The following LAYN variants were observed in gnomAD, a reference collection of about 807,000 sequenced individuals.
LAYN encodes the protein layilin.
Under a neutral mutation model 43.6 loss-of-function variants are expected in LAYN, and 38 were observed. The ratio of observed to expected loss-of-function variants is 0.87; its 90% CI spans 0.67 to 1.14. LAYN has a LOEUF of 1.14. Among genes scored for constraint, LAYN ranks in the 50% most tolerant of loss-of-function variants. The pLI, the probability that LAYN is intolerant of heterozygous loss-of-function variation, is 0.00. For synonymous variants in LAYN, 168 were observed against 172.9 expected (o/e 0.97, Z 0.22); for missense variants, 479 against 463.8 (o/e 1.03, Z -0.30).
In LAYN at chr11:111,544,134, G is replaced by A. The variant is rs375519649; in HGVS notation, c.297G>A (p.Gly99=). The change falls in exon 2 of 7, where the codon GGG becomes GGA. Residue 99 remains glycine (G), a synonymous_variant. Coordinates refer to ENST00000375614, the MANE Select transcript of LAYN (RefSeq NM_178834.5). ...CATCTGATGGTGACTTCTGGATTGG[G>A]CTCAGGAGGCGTGAGGAGAAACAAA... The part of the protein sequence containing the change: ...LLPSDGDFWI[G]LRRREEKQSN... 41 of 1,614,046 alleles carry A rather than the reference G, an allele frequency of 2.5e-5. No homozygotes were observed. Among genetic ancestry groups the A allele is most frequent in the Non-Finnish European group, 3.5e-5 (41 of 1,180,026 alleles).
At chr11:111,558,362 G>A (rs1225630737) in intron 6 of LAYN, among the ~76,000 whole-genome samples, 7 of 152,148 alleles carry the variant, frequency 4.6e-5, no homozygotes, top group Admixed American at 1.3e-4. Context: ...ACCAATTTGA[G>A]ATGAATTAGT....
chr11:111,559,994 G>A, intron 6 of LAYN, 101 bp from the exon 7 acceptor site: 1 of 1,384,758 alleles, frequency 7.2e-7, no homozygotes, highest in Non-Finnish European at 9.8e-7. Context: ...ATGCAGCTGG[G>A]TGACTGCCCA....
At position 111,560,020 on chromosome 11, in the gene LAYN, G is replaced by A. The variant is rs549073623; in HGVS notation, c.762-75G>A. On this transcript the variant is annotated intron_variant, in intron 6 of 6. Transcript: ENST00000375614. ...TGACTGCCCAGGGCTGCTTCCTCTC[G>A]TCTCAACAGGAAGCACAAGGGTATT... is the stretch of plus-strand genomic sequence containing the variant. The A allele has an allele frequency of 4.9e-5, 74 of 1,506,954 alleles. No individual in the cohort carries two copies. In the East Asian group the frequency reaches 1.0e-3, roughly 20 times the overall value. The allele number at this position is 1,506,954 out of a possible 1,614,324, so 93.3% of individuals were successfully genotyped here.
rs758193597 is a variant in LAYN at position 111,560,797 on chromosome 11, A to G, written c.*339A>G. On this transcript the variant is annotated 3_prime_UTR_variant, in exon 7 of 7. Coordinates refer to ENST00000375614, the MANE Select transcript of LAYN (RefSeq NM_178834.5). ...GATGGGCTGTGGAGCTTGGAAAACC[A>G]CCTCTGTTTTCCTTGCTCTATACAG... The G allele has an allele frequency of 1.6e-5, 4 of 253,326 alleles. No homozygotes were observed. Among genetic ancestry groups the G allele is most frequent in the South Asian group, 1.5e-4 (2 of 13,400 alleles). The allele number at this position is 253,326 out of a possible 1,614,324, so 15.7% of individuals were successfully genotyped here. A position where few individuals can be genotyped will look rare whatever the true frequency, so the allele number is the denominator to read the frequency against.
chr11:111,541,272 G>C (rs1867531845), intron 1 of LAYN: 1 of 596,282 alleles, frequency 1.7e-6, no homozygotes, highest in East Asian at 2.8e-5. Flanking sequence ...TACACGCATC[G>C]AATCAGTCCT....
At chr11:111,551,274 C>G (rs2060257971) in intron 3 of LAYN, 1 of 454,006 alleles carries the variant, frequency 2.2e-6, no homozygotes, top group Non-Finnish European at 4.4e-6. Flanking sequence ...GGAATAAATA[C>G]TGAGACTTCT....
rs140344376 is a variant in LAYN, at chr11:111,544,044, G to T, written c.207G>T (p.Gln69His). The T allele has an allele frequency of 1.0e-4, 167 of 1,614,098 alleles. No homozygotes were observed. The highest frequency in any genetic ancestry group is 1.3e-4 in the Non-Finnish European group (153 of 1,180,050). Residue 69 changes from glutamine to histidine, a missense_variant, in exon 2 of 7, where the codon CAG becomes CAT. Coordinates refer to ENST00000375614, the MANE Select transcript of LAYN (RefSeq NM_178834.5). ...AKEACRRDGG[Q>H]LVSIESEDEQ... is the part of the protein sequence containing the mutation. ...AAGCCTGCAGGAGGGATGGAGGCCA[G>T]CTAGTCAGCATCGAGTCTGAAGATG...
At chr11:111,548,266 C>T (rs544356857) in intron 2 of LAYN, among the ~76,000 whole-genome samples, 3 of 152,190 alleles carry the variant, frequency 2.0e-5, no homozygotes, top group Admixed American at 6.5e-5. Flanking sequence ...TAGGGAAAAA[C>T]GGGAAGTTAT....
chr11:111,560,362 T>C lies in LAYN; in HGVS notation c.1029T>C (p.Ser343=). 6.2e-7 allele frequency: 1 copy of C among 1,613,714 alleles called. No individual in the cohort carries two copies. The highest frequency in any genetic ancestry group is 8.5e-7 in the Non-Finnish European group (1 of 1,179,874). The change falls in exon 7 of 7, where the codon AGT becomes AGC. Residue 343 remains serine (S), a synonymous_variant. Coordinates refer to ENST00000375614, the MANE Select transcript of LAYN (RefSeq NM_178834.5). The part of the protein sequence containing the change: ...SGFVTLVSVE[S]GFVTNDIYEF... The stretch of plus-strand genomic sequence containing the variant: ...TTGTGACTCTGGTGAGCGTGGAGAG[T>C]GGATTTGTGACCAATGACATTTATG...
chr11:111,559,434 G>T (rs1867905920), intron 6 of LAYN, among the ~76,000 whole-genome samples: 2 of 151,446 alleles, frequency 1.3e-5, no homozygotes, highest in African/African-American at 2.4e-5. Flanking sequence ...TGTTGTTTTG[G>T]TTTTATTTTA....
chr11:111,546,538 G>T (rs568978400), intron 2 of LAYN, among the ~76,000 whole-genome samples: 32 of 152,182 alleles, frequency 2.1e-4, no homozygotes, highest in Non-Finnish European at 3.8e-4. Context: ...ACCAGGCTCA[G>T]GCTGCCTGTA....
Position 111,560,420 on chromosome 11 carries a change from G to A in LAYN, c.1087G>A (p.Glu363Lys), listed in dbSNP as rs1419763010. ...CCCAGACCAAATGGGGAGGAGTAAG[G>A]AGTCTGGATGGGTGGAAAATGAAAT... ...FSPDQMGRSK[E>K]SGWVENEIYG... is the part of the protein sequence containing the mutation. Residue 363 changes from glutamate (E) to lysine (K), a missense_variant, in exon 7 of 7, where the codon GAG becomes AAG. Coordinates refer to ENST00000375614, the MANE Select transcript of LAYN (RefSeq NM_178834.5). 2 of 1,613,872 alleles carry A rather than the reference G, an allele frequency of 1.2e-6. No homozygotes were observed. Among genetic ancestry groups the A allele is most frequent in the African/African-American group, 2.7e-5 (2 of 74,918 alleles).
chr11:111,543,793 C>G lies in LAYN; in HGVS notation c.86-130C>G. 4.1e-6 allele frequency: 3 copies of G among 724,544 alleles called. No individual in the cohort carries two copies. In the South Asian group the frequency reaches 5.7e-5, roughly 14 times the overall value. The allele number at this position is 724,544 out of a possible 1,614,324, so 44.9% of individuals were successfully genotyped here. A position where few individuals can be genotyped will look rare whatever the true frequency, so the allele number is the denominator to read the frequency against. On this transcript the variant is annotated intron_variant, in intron 1 of 6. Coordinates refer to ENST00000375614, the MANE Select transcript of LAYN (RefSeq NM_178834.5). ...AATTTGCTCTGAGAACCCCAACTGA[C>G]ATGATAACAGTCTACTGATGTGTAA...
chr11:111,543,545 A>C (rs1393855424), intron 1 of LAYN, among the ~76,000 whole-genome samples: 1 of 152,010 alleles, frequency 6.6e-6, no homozygotes, highest in Non-Finnish European at 1.5e-5. Flanking sequence ...CACCAGAGAC[A>C]CCCCCTTTAA....
At chr11:111,544,326 C>A in intron 2 of LAYN, 106 bp downstream of exon 2, 1 of 1,115,118 alleles carries the variant, frequency 9.0e-7, no homozygotes, top group Non-Finnish European at 1.3e-6. Context: ...ACCAACCAGG[C>A]AGATCTCTGA....
At chr11:111,540,704 C>T (rs1030865245), upstream of LAYN, 8 of 787,006 alleles carry the variant, frequency 1.0e-5, no homozygotes, top group African/African-American at 1.3e-4. Flanking sequence ...ACTCCGCGCC[C>T]TCCCCCCCGC....
At position 111,560,228 on chromosome 11, in the gene LAYN, CG is replaced by C; in HGVS notation, c.897del (p.Pro300GlnfsTer3). On this transcript the variant is annotated frameshift_variant, in exon 7 of 7. Coordinates refer to ENST00000375614, the MANE Select transcript of LAYN (RefSeq NM_178834.5). LOFTEE classifies it high-confidence loss of function. The part of the protein sequence containing the change: ...KQSEADLAET[R>X]PDLKNISFRV... ...AAGCGAAGCTGACTTAGCTGAGACC[CG>C]GCCAGACCTGAAGAATATTTCATTC... is the stretch of plus-strand genomic sequence containing the variant. 6.2e-7 allele frequency: 1 copy of C among 1,614,192 alleles called. No homozygotes were observed. The highest frequency in any genetic ancestry group is 8.5e-7 in the Non-Finnish European group (1 of 1,180,034).
intron 2 of LAYN, among the ~76,000 whole-genome samples, chr11:111,544,988 AAAGAATG>A (rs2135791647): frequency 6.6e-6 from 1 of 151,948 alleles, no homozygotes; most frequent in East Asian, 1.9e-4. Context: ...AAACTCATCA[AAAGAATG>A]AAGATTTTAA....
chr11:111,548,631 AG>A (rs1427300463), intron 2 of LAYN, among the ~76,000 whole-genome samples: 2 of 152,230 alleles, frequency 1.3e-5, no homozygotes, highest in Non-Finnish European at 2.9e-5. Context: ...ACAACAATAC[AG>A]GACTTAAGCA....
Sources: allele counts gnomAD v4.1 joint callset (sites outside exome capture counted in the v4.1 genomes callset), GRCh38; gene constraint gnomAD v4.1.1; transcripts MANE v1.5; gene names NCBI Gene and HGNC (gene_info 2026-07-23, HGNC 2026-07-21).